Variants in NREP observed in about 807,000 individuals in gnomAD.
The protein encoded by NREP is neuronal regeneration related protein, also known as neuronal regeneration-related protein.
NREP carries 5 observed loss-of-function variants against 8.6 expected under a neutral mutation model. The ratio of observed to expected loss-of-function variants is 0.58; its 90% CI spans 0.30 to 1.22. The LOEUF (loss-of-function observed/expected upper bound fraction) is 1.22. Among genes scored for constraint, NREP ranks in the 50% most tolerant of loss-of-function variants. NREP has a pLI of 0.07. For synonymous variants in NREP, 27 were observed against 28.0 expected, an observed-to-expected ratio of 0.96 and a Z score of 0.11; for missense variants, 86 against 82.5, an observed-to-expected ratio of 1.04 and a Z score of -0.17.
intron 2 of NREP, among the ~76,000 whole-genome samples, chr5:111,787,339 T>C (rs1751635789): frequency 6.6e-6 from 1 of 152,232 alleles, no homozygotes; most frequent in Admixed American, 6.5e-5. Context: ...CACTGGATAA[T>C]TCTTCCTTCC....
At chr5:111,897,043 T>C (rs1195685555) in intron 2 of NREP, among the ~76,000 whole-genome samples, 1 of 152,128 alleles carries the variant, frequency 6.6e-6, no homozygotes, top group African/African-American at 2.4e-5. Context: ...GTCACTCTAT[T>C]AGATTCAAAC....
At chr5:111,976,796 C>T in exon 1 of NREP, 1 of 1,504,448 alleles carries the variant, frequency 6.6e-7, no homozygotes, top group Non-Finnish European at 9.0e-7. Flanking sequence ...AAAGAAGCTT[C>T]TTGCCGGGAG....
At chr5:111,945,961 C>A (rs569385523) in intron 2 of NREP, among the ~76,000 whole-genome samples, 1 of 152,004 alleles carries the variant, frequency 6.6e-6, no homozygotes, top group South Asian at 2.1e-4. Flanking sequence ...GTTGTATATA[C>A]AGTAAGCAGA....
intron 2 of NREP, among the ~76,000 whole-genome samples, chr5:111,807,569 T>A (rs1398839962): frequency 6.6e-6 from 1 of 152,028 alleles, no homozygotes; most frequent in Non-Finnish European, 1.5e-5. Context: ...ATTTTTAGAA[T>A]AACAGTAGAA....
chr5:111,853,380 A>C (rs1432670875), intron 2 of NREP, among the ~76,000 whole-genome samples: 1 of 151,890 alleles, frequency 6.6e-6, no homozygotes, highest in African/African-American at 2.4e-5. Context: ...ACCCTAATGT[A>C]AACTATAATC....
chr5:111,797,557 T>C (rs781156167), intron 2 of NREP, among the ~76,000 whole-genome samples: 8 of 152,236 alleles, frequency 5.3e-5, no homozygotes, highest in Non-Finnish European at 1.0e-4. Flanking sequence ...AAGCTGATAA[T>C]ATTGCTGGAT....
intron 2 of NREP, among the ~76,000 whole-genome samples, chr5:111,955,792 C>G (rs149652785): frequency 6.6e-6 from 1 of 151,686 alleles, no homozygotes; most frequent in Non-Finnish European, 1.5e-5. Context: ...AGTCTAGCAA[C>G]CCACGGTGTA....
intron 2 of NREP, among the ~76,000 whole-genome samples, chr5:111,788,819 A>T (rs1207492716): frequency 6.6e-6 from 1 of 152,210 alleles, no homozygotes; most frequent in Non-Finnish European, 1.5e-5. Context: ...TAGCATTTAA[A>T]TCCATGGACT....
At chr5:111,831,238 C>A (rs954069430) in intron 2 of NREP, among the ~76,000 whole-genome samples, 1 of 152,056 alleles carries the variant, frequency 6.6e-6, no homozygotes, top group Non-Finnish European at 1.5e-5. Flanking sequence ...TTTGGAAGTA[C>A]CAATTAGCTT....
intron 2 of NREP, among the ~76,000 whole-genome samples, chr5:111,932,117 CAAAAAAAA>C (rs57518070): frequency 1.5e-4 from 17 of 115,596 alleles, no homozygotes; most frequent in African/African-American, 4.0e-4. Context: ...AGACTTTTTG[CAAAAAAAA>C]AAAAAAAAGA....
intron 2 of NREP, among the ~76,000 whole-genome samples, chr5:111,805,945 A>C (rs1752130893): frequency 6.6e-6 from 1 of 151,758 alleles, no homozygotes; most frequent in African/African-American, 2.4e-5. Context: ...CAAAAATGTA[A>C]ACAAAGTAAT....
At chr5:111,747,536 GGCA>G (rs1407557939) in intron 2 of NREP, among the ~76,000 whole-genome samples, 1 of 152,088 alleles carries the variant, frequency 6.6e-6, no homozygotes, top group Non-Finnish European at 1.5e-5. Context: ...AGCTGGAGCT[GGCA>G]GCCACAGCAA....
At chr5:111,908,065 A>C (rs1487025060) in intron 2 of NREP, among the ~76,000 whole-genome samples, 1 of 152,176 alleles carries the variant, frequency 6.6e-6, no homozygotes, top group Middle Eastern at 3.4e-3. Context: ...TAGTTGATTA[A>C]AAAGCTGGTA....
At chr5:111,924,105 T>C (rs559374816) in intron 2 of NREP, among the ~76,000 whole-genome samples, 1 of 152,130 alleles carries the variant, frequency 6.6e-6, no homozygotes, top group Admixed American at 6.5e-5. Context: ...CTTCTGCCAA[T>C]GCTCTGGACC....
chr5:111,801,349 T>C (rs1752001754), intron 2 of NREP, among the ~76,000 whole-genome samples: 1 of 152,174 alleles, frequency 6.6e-6, no homozygotes, highest in African/African-American at 2.4e-5. Flanking sequence ...ACACTTTACA[T>C]TCAAACCAAC....
chr5:111,832,291 G>A (rs1354903395), intron 2 of NREP, among the ~76,000 whole-genome samples: 1 of 152,074 alleles, frequency 6.6e-6, no homozygotes, highest in Non-Finnish European at 1.5e-5. Context: ...GCCGAGGCAG[G>A]CAGATCACTA....
At chr5:111,805,097 TA>T (rs1471513182) in intron 2 of NREP, among the ~76,000 whole-genome samples, 1 of 151,058 alleles carries the variant, frequency 6.6e-6, no homozygotes, top group Non-Finnish European at 1.5e-5. Context: ...CTCTCAAACC[TA>T]AAAAAAGGTT....
intron 2 of NREP, among the ~76,000 whole-genome samples, chr5:111,820,120 G>C (rs1752483739): frequency 1.2e-5 from 1 of 86,522 alleles, no homozygotes; most frequent in Admixed American, 1.0e-4. Context: ...CGTAGAGAGA[G>C]AATCTCCCAC....
chr5:111,908,157 T>G (rs1414855021), intron 2 of NREP, among the ~76,000 whole-genome samples: 3 of 127,848 alleles, frequency 2.3e-5, no homozygotes, highest in African/African-American at 8.8e-5. Context: ...TGATTATTAG[T>G]GTTATTCATC....
Sources: gnomAD v4.1 joint callset for allele counts (sites outside exome capture counted in the v4.1 genomes callset) on GRCh38, gnomAD v4.1.1 for gene constraint, MANE v1.5 for transcripts, NCBI Gene and HGNC (gene_info 2026-07-23, HGNC 2026-07-21) for gene names.